The following GRM7 variants were observed in gnomAD, a reference collection of about 807,000 sequenced individuals.
GRM7 encodes glutamate metabotropic receptor 7.
Under a neutral mutation model 84.5 loss-of-function variants are expected in GRM7, and 35 were observed. The observed-to-expected ratio is 0.41, with a 90% CI of 0.32 to 0.55. The LOEUF (loss-of-function observed/expected upper bound fraction) is 0.55. GRM7 is among the 20% of genes least tolerant of loss of function. GRM7 has a pLI of 0.19. For synonymous variants in GRM7, 487 were observed against 455.1 expected, an observed-to-expected ratio of 1.07 and a Z score of -0.89; for missense variants, 1,003 against 1,194.6, an observed-to-expected ratio of 0.84 and a Z score of 2.36.
intron 1 of GRM7, among the ~76,000 whole-genome samples, chr3:7,039,579 G>A (rs1696515493): frequency 6.6e-6 from 1 of 152,150 alleles, no homozygotes; most frequent in Non-Finnish European, 1.5e-5. Flanking sequence ...CATGTTACAT[G>A]TATAATATTG....
chr3:7,289,403 T>G (rs576527389), intron 2 of GRM7, among the ~76,000 whole-genome samples: 1 of 152,164 alleles, frequency 6.6e-6, no homozygotes, highest in South Asian at 2.1e-4. Flanking sequence ...TGAAAGGGAA[T>G]TAAAAAGAAA....
chr3:7,691,149 G>T, intron 9 of GRM7: 1 of 503,764 alleles, frequency 2.0e-6, no homozygotes, highest in South Asian at 1.6e-5. Flanking sequence ...CTATTCTCAT[G>T]TTTTTTTTCA....
intron 1 of GRM7, among the ~76,000 whole-genome samples, chr3:7,066,107 C>T (rs968355560): frequency 2.0e-5 from 3 of 151,670 alleles, no homozygotes; most frequent in African/African-American, 7.3e-5. Flanking sequence ...TCTAAGGTCA[C>T]ACCTCAAGGA....
intron 8 of GRM7, among the ~76,000 whole-genome samples, chr3:7,676,863 C>T (rs1416920468): frequency 6.6e-6 from 1 of 152,126 alleles, no homozygotes; most frequent in Non-Finnish European, 1.5e-5. Flanking sequence ...GACTATGCCA[C>T]CAAGATTTGT....
intron 8 of GRM7, among the ~76,000 whole-genome samples, chr3:7,659,155 C>T (rs1699324555): frequency 6.6e-6 from 1 of 152,208 alleles, no homozygotes; most frequent in Non-Finnish European, 1.5e-5. Flanking sequence ...TTAGCTGTAA[C>T]TTACTGAATC....
intron 1 of GRM7, among the ~76,000 whole-genome samples, chr3:6,868,200 C>T (rs1695000835): frequency 6.6e-6 from 1 of 152,160 alleles, no homozygotes; most frequent in African/African-American, 2.4e-5. Flanking sequence ...CCCAAAGTCA[C>T]ATAGCTGGTA....
intron 7 of GRM7, among the ~76,000 whole-genome samples, chr3:7,545,324 A>G (rs1693093103): frequency 6.6e-6 from 1 of 152,242 alleles, no homozygotes; most frequent in South Asian, 2.1e-4. Context: ...TAAGTATTTA[A>G]TGAATGAATA....
chr3:7,076,669 A>G (rs536673857), intron 1 of GRM7, among the ~76,000 whole-genome samples: 1 of 152,298 alleles, frequency 6.6e-6, no homozygotes, highest in East Asian at 1.9e-4. Flanking sequence ...AACACTCCTT[A>G]GGCAAGTATG....
At chr3:7,582,066 A>G (rs553327619) in intron 8 of GRM7, among the ~76,000 whole-genome samples, 8 of 152,320 alleles carry the variant, frequency 5.3e-5, no homozygotes, top group South Asian at 2.1e-4. Context: ...AGGTGGCGTA[A>G]TGATGCAAGA....
chr3:6,984,395 G>A (rs1694321224), intron 1 of GRM7, among the ~76,000 whole-genome samples: 1 of 152,100 alleles, frequency 6.6e-6, no homozygotes, highest in Non-Finnish European at 1.5e-5. Flanking sequence ...TTTGAAAGCT[G>A]ATGCATTACA....
intron 1 of GRM7, among the ~76,000 whole-genome samples, chr3:7,042,364 A>G (rs1040873566): frequency 2.0e-5 from 3 of 152,222 alleles, no homozygotes; most frequent in African/African-American, 4.8e-5. Flanking sequence ...GCACAGAAGT[A>G]TACTTTGTTG....
intron 4 of GRM7, among the ~76,000 whole-genome samples, chr3:7,335,128 G>A (rs138891350): frequency 1.3e-3 from 203 of 152,128 alleles, no homozygotes; most frequent in African/African-American, 4.6e-3. Flanking sequence ...TCATCAGCAC[G>A]TGAAACATTC....
intron 1 of GRM7, among the ~76,000 whole-genome samples, chr3:7,120,461 G>A (rs1693180351): frequency 2.0e-5 from 3 of 152,062 alleles, no homozygotes; most frequent in Admixed American, 6.6e-5. Flanking sequence ...ACTTGTTATA[G>A]AAATGATAAT....
chr3:7,294,564 TA>T (rs202239849), intron 2 of GRM7, among the ~76,000 whole-genome samples: 8,869 of 75,046 alleles, frequency 0.12, 498 homozygotes, highest in East Asian at 0.44. Flanking sequence ...AAGAGCTCCC[TA>T]AAAAAAAAAA....
At chr3:7,528,613 T>C (rs1373105544) in intron 7 of GRM7, among the ~76,000 whole-genome samples, 1 of 152,086 alleles carries the variant, frequency 6.6e-6, no homozygotes, top group Non-Finnish European at 1.5e-5. Flanking sequence ...CAAGGCTAAA[T>C]TGTCAATTTG....
intron 1 of GRM7, among the ~76,000 whole-genome samples, chr3:7,139,392 T>G (rs1219283349): frequency 6.6e-6 from 1 of 151,752 alleles, no homozygotes; most frequent in Non-Finnish European, 1.5e-5. Flanking sequence ...AATGAAAAAC[T>G]TAGTTTTAAT....
Position 7,677,038 on chromosome 3 carries a change from G to T in GRM7, c.2452-3011G>T, listed in dbSNP as rs527826182. ...GCACTTTGGGAGGCCGAGGCAGGAG[G>T]ATCACGAGGTCAGGAGATCAAGACC... On this transcript the variant is annotated intron_variant, in intron 8 of 9. Coordinates refer to ENST00000357716, the MANE Select transcript of GRM7 (RefSeq NM_000844.4). Among the ~76,000 whole-genome samples the T allele has an allele frequency of 8.7e-4, 133 of 152,064 alleles. 1 individual carries two copies. The South Asian group carries it at 0.026, about 30-fold the overall frequency.
intron 9 of GRM7, among the ~76,000 whole-genome samples, chr3:7,715,236 G>C (rs1411922476): frequency 6.6e-6 from 1 of 152,098 alleles, no homozygotes; most frequent in Non-Finnish European, 1.5e-5. Context: ...AAGGGTGGAG[G>C]ATTACTTGAG....
At chr3:7,230,346 C>G (rs751040804) in intron 2 of GRM7, among the ~76,000 whole-genome samples, 1 of 152,090 alleles carries the variant, frequency 6.6e-6, no homozygotes, top group Non-Finnish European at 1.5e-5. Flanking sequence ...ATGTGAATAT[C>G]AAGAGCAAGC....
Sources: allele counts gnomAD v4.1 joint callset (sites outside exome capture counted in the v4.1 genomes callset), GRCh38; gene constraint gnomAD v4.1.1; transcripts MANE v1.5; gene names NCBI Gene and HGNC (gene_info 2026-07-23, HGNC 2026-07-21).